The following SSBP2 variants were observed in gnomAD, a reference collection of about 807,000 sequenced individuals.
SSBP2 encodes single-stranded DNA-binding protein 2.
SSBP2 carries 17 observed loss-of-function variants against 61.8 expected under a neutral mutation model. The ratio of observed to expected loss-of-function variants is 0.28; its 90% confidence interval spans 0.19 to 0.41. The LOEUF is 0.41. SSBP2 is among the 10% of genes least tolerant of loss of function. The pLI, the probability that SSBP2 is intolerant of heterozygous loss-of-function variation, is 1.00. For synonymous variants in SSBP2, 139 were observed against 141.3 expected, an observed-to-expected ratio of 0.98 and a Z score of 0.12; for missense variants, 310 against 458.7, an observed-to-expected ratio of 0.68 and a Z score of 2.96.
chr5:81,421,280 C>G (rs1048055399), intron 16 of SSBP2, among the ~76,000 whole-genome samples: 3 of 152,212 alleles, frequency 2.0e-5, no homozygotes, highest in Non-Finnish European at 4.4e-5. Context: ...CAACCCTGAC[C>G]TTCCTGGGCT....
intron 6 of SSBP2, among the ~76,000 whole-genome samples, chr5:81,475,480 C>CT (rs1441136384): frequency 6.6e-6 from 1 of 152,014 alleles, no homozygotes; most frequent in Non-Finnish European, 1.5e-5. Flanking sequence ...AAAATTTTTG[C>CT]TTATAAGCAC....
intron 4 of SSBP2, among the ~76,000 whole-genome samples, chr5:81,545,629 T>C (rs1269144046): frequency 6.6e-6 from 1 of 152,210 alleles, no homozygotes; most frequent in Non-Finnish European, 1.5e-5. Flanking sequence ...ATATTAGGTG[T>C]GATATACTCT....
At chr5:81,593,441 C>A (rs1743339587) in intron 4 of SSBP2, among the ~76,000 whole-genome samples, 1 of 152,182 alleles carries the variant, frequency 6.6e-6, no homozygotes, top group South Asian at 2.1e-4. Flanking sequence ...AGGAAAACTT[C>A]CCCAATCTAC....
chr5:81,549,553 C>T (rs1772013656), intron 4 of SSBP2, among the ~76,000 whole-genome samples: 1 of 152,076 alleles, frequency 6.6e-6, no homozygotes, highest in African/African-American at 2.4e-5. Flanking sequence ...ATCTGCTTTC[C>T]CAAGCAAAAC....
At chr5:81,473,132 G>A (rs1015198161) in intron 8 of SSBP2, among the ~76,000 whole-genome samples, 5 of 152,158 alleles carry the variant, frequency 3.3e-5, no homozygotes, top group African/African-American at 1.2e-4. Flanking sequence ...AGTCTGTAAT[G>A]CATATTCTCA....
At chr5:81,555,891 T>C (rs1313857449) in intron 4 of SSBP2, among the ~76,000 whole-genome samples, 1 of 152,108 alleles carries the variant, frequency 6.6e-6, no homozygotes. Context: ...TACTGCTTTA[T>C]TATTCTAGAA....
intron 4 of SSBP2, among the ~76,000 whole-genome samples, chr5:81,535,665 C>T (rs544845451): frequency 1.3e-5 from 2 of 152,026 alleles, no homozygotes; most frequent in South Asian, 2.1e-4. Flanking sequence ...GAAAAGACAG[C>T]CTTTTCAACA....
intron 7 of SSBP2, 98 bp from the exon 8 acceptor site, chr5:81,473,868 C>A: frequency 1.8e-6 from 2 of 1,125,542 alleles, no homozygotes; most frequent in Non-Finnish European, 2.7e-6. Flanking sequence ...TCTCATTTAC[C>A]AAGAGTCTGA....
intron 4 of SSBP2, among the ~76,000 whole-genome samples, chr5:81,576,296 T>A (rs1254158858): frequency 6.6e-6 from 1 of 152,126 alleles, no homozygotes; most frequent in African/African-American, 2.4e-5. Context: ...TAATTTTATA[T>A]GCAAGTGAAA....
intron 5 of SSBP2, among the ~76,000 whole-genome samples, chr5:81,509,443 G>C (rs1768427370): frequency 6.6e-6 from 1 of 152,124 alleles, no homozygotes; most frequent in Admixed American, 6.6e-5. Flanking sequence ...ATGGAAAGCA[G>C]CTACTCCTCA....
intron 3 of SSBP2, among the ~76,000 whole-genome samples, chr5:81,628,653 G>T (rs770354398): frequency 6.6e-6 from 1 of 152,148 alleles, no homozygotes; most frequent in African/African-American, 2.4e-5. Flanking sequence ...TTTCAGAGGG[G>T]ATTTGATTCA....
chr5:81,519,400 G>A (rs2154091614), intron 4 of SSBP2, among the ~76,000 whole-genome samples: 1 of 152,248 alleles, frequency 6.6e-6, no homozygotes, highest in African/African-American at 2.4e-5. Context: ...TGTAGCAGGT[G>A]TGAGAGACAC....
chr5:81,549,316 T>C (rs1448992373), intron 4 of SSBP2, among the ~76,000 whole-genome samples: 3 of 152,198 alleles, frequency 2.0e-5, no homozygotes, highest in Non-Finnish European at 4.4e-5. Flanking sequence ...TGTTGCATCA[T>C]ACTGTCAAAT....
intron 15 of SSBP2, among the ~76,000 whole-genome samples, chr5:81,429,033 C>T (rs539966107): frequency 2.0e-5 from 3 of 152,288 alleles, no homozygotes; most frequent in Non-Finnish European, 4.4e-5. Flanking sequence ...AGATCCTACC[C>T]ACTGATAAGG....
chr5:81,489,944 A>T lies in SSBP2; in HGVS notation c.373-635T>A, dbSNP rs76314491. On this transcript the variant is annotated intron_variant, in intron 5 of 16. Coordinates refer to ENST00000320672, the MANE Select transcript of SSBP2 (RefSeq NM_012446.5). ...GAGGCCAAAGGACTGCTTGAGCTCA[A>T]CAGTTAGAGGCTGTGGTGCATCATG... Among the ~76,000 whole-genome samples the T allele has an allele frequency of 7.3e-3, 1,112 of 152,042 alleles. 7 individuals are homozygous for T. Among genetic ancestry groups the T allele is most frequent in the Non-Finnish European group, 0.013 (898 of 67,950 alleles).
chr5:81,667,391 A>T (rs1479642590), intron 1 of SSBP2, among the ~76,000 whole-genome samples: 1 of 151,956 alleles, frequency 6.6e-6, no homozygotes, highest in Non-Finnish European at 1.5e-5. Flanking sequence ...CATTGCTCCC[A>T]CAGGGCTGGA....
chr5:81,494,956 AT>A (rs1767173429), intron 5 of SSBP2, among the ~76,000 whole-genome samples: 1 of 152,044 alleles, frequency 6.6e-6, no homozygotes, highest in Non-Finnish European at 1.5e-5. Context: ...TTAAATAATT[AT>A]TTTTCTATTA....
chr5:81,656,378 A>G (rs922787209), intron 1 of SSBP2, among the ~76,000 whole-genome samples: 1 of 152,170 alleles, frequency 6.6e-6, no homozygotes, highest in Admixed American at 6.5e-5. Flanking sequence ...AAAATACATA[A>G]AAGTGTTCAA....
At chr5:81,650,399 A>G in intron 1 of SSBP2, 60 bp from the exon 2 acceptor site, 5 of 1,196,680 alleles carry the variant, frequency 4.2e-6, no homozygotes, top group Non-Finnish European at 5.8e-6. Flanking sequence ...TCTTTAAATA[A>G]TGCACATCTT....
Sources: gnomAD v4.1 joint callset for allele counts (sites outside exome capture counted in the v4.1 genomes callset) on GRCh38, gnomAD v4.1.1 for gene constraint, MANE v1.5 for transcripts, NCBI Gene and HGNC (gene_info 2026-07-23, HGNC 2026-07-21) for gene names.